NOS2: variants seen among roughly 807,000 people sequenced by gnomAD.
NOS2 encodes nitric oxide synthase, inducible.
In NOS2, 96 loss-of-function variants were observed where a neutral mutation model predicts 136.0. The observed-to-expected ratio is 0.71, with a 90% CI of 0.60 to 0.84. NOS2 has a LOEUF of 0.84. Ranked by LOEUF, NOS2 falls within the 40% of genes least tolerant of loss-of-function variation. The pLI, the probability that NOS2 is intolerant of heterozygous loss-of-function variation, is 0.00. For missense variants in NOS2, 1,237 were observed against 1,496.9 expected, an observed-to-expected ratio of 0.83 and a Z score of 2.87; for synonymous variants, 539 against 587.5, an observed-to-expected ratio of 0.92 and a Z score of 1.20.
chr17:27,778,156 G>T (rs111911041), intron 11 of NOS2, among the ~76,000 whole-genome samples: 456 of 152,260 alleles, frequency 3.0e-3, no homozygotes, highest in South Asian at 8.9e-3. Context: ...AGACAGGTTG[G>T]CAGTGGGGTG....
intron 22 of NOS2, among the ~76,000 whole-genome samples, chr17:27,762,226 A>G (rs28944194): frequency 2.0e-5 from 3 of 152,180 alleles, no homozygotes; most frequent in South Asian, 2.1e-4. Context: ...TTCTATGCCT[A>G]TCTCTCCACT....
chr17:27,776,887 CT>C (rs1908676602), intron 11 of NOS2, among the ~76,000 whole-genome samples: 1 of 152,152 alleles, frequency 6.6e-6, no homozygotes, highest in African/African-American at 2.4e-5. Flanking sequence ...AAGGGCCCAT[CT>C]TTTGAAGTTT....
At chr17:27,775,388 G>A (rs28450000) in intron 11 of NOS2, among the ~76,000 whole-genome samples, 1,874 of 152,068 alleles carry the variant, frequency 0.012, 32 homozygotes, top group African/African-American at 0.041. Flanking sequence ...ACCTGAGGTC[G>A]GGAGTTTGAG....
intron 2 of NOS2, among the ~76,000 whole-genome samples, chr17:27,792,493 C>T (rs1909221684): frequency 6.6e-6 from 1 of 152,200 alleles, no homozygotes; most frequent in Non-Finnish European, 1.5e-5. Flanking sequence ...TCCCCTCCCA[C>T]ACCATTTCTT....
rs28998805 is a variant in NOS2, at chr17:27,797,570, G to A, written c.110+1130C>T. ...GCCTCTGACAGATACACTCAGGGCC[G>A]TCATGCTGTACACATCCAGGGGGCG... is the stretch of plus-strand genomic sequence containing the variant. On this transcript the variant is annotated intron_variant, in intron 2 of 26. Transcript: ENST00000313735. Among the ~76,000 whole-genome samples, 73 of 152,356 alleles carry A rather than the reference G, an allele frequency of 4.8e-4. 1 individual carries two copies. Among genetic ancestry groups the A allele is most frequent in the African/African-American group, 1.7e-3 (69 of 41,590 alleles).
Position 27,772,391 on chromosome 17 carries a change from T to C in NOS2, c.1621A>G (p.Ile541Val). ...TTTCCTGTCTCTGTCGCAAAGAGGA[T>C]GGTGACTCTGACTCGGGACGCCATT... ...KTMASRVRVTILFATETGKSE... is the reference protein window; with the variant it reads ...KTMASRVRVTVLFATETGKSE... Residue 541 changes from isoleucine (I) to valine (V), a missense_variant, in exon 14 of 27, where the codon ATC becomes GTC. Around this residue, in one of 3 missense-constraint regions of NOS2, gnomAD observed 782 missense variants for 909.9 expected, o/e 0.86. Coordinates refer to ENST00000313735, the MANE Select transcript of NOS2 (RefSeq NM_000625.4). 1 of 1,614,106 alleles carries C rather than the reference T, an allele frequency of 6.2e-7. No homozygotes were observed. The highest frequency in any genetic ancestry group is 8.5e-7 in the Non-Finnish European group (1 of 1,180,028).
At chr17:27,769,619 A>G (rs1414224289) in intron 15 of NOS2, 35 bp from the exon 16 acceptor site, 1 of 1,570,998 alleles carries the variant, frequency 6.4e-7, no homozygotes, top group Non-Finnish European at 8.8e-7. Context: ...TTCTCAAGCC[A>G]GGATGAATAA....
chr17:27,781,298 T>C, intron 7 of NOS2, 121 bp from the exon 8 acceptor site: 1 of 1,142,598 alleles, frequency 8.8e-7, no homozygotes, highest in South Asian at 1.6e-5. Flanking sequence ...CCAAGCTGAC[T>C]GAGCCAGCCT....
intron 14 of NOS2, 69 bp from the exon 15 acceptor site, chr17:27,771,086 C>T: frequency 8.9e-7 from 1 of 1,119,000 alleles, no homozygotes; most frequent in Non-Finnish European, 1.3e-6. Context: ...GCGCAGACAC[C>T]CTGGGCTTCC....
intron 12 of NOS2, 109 bp from the exon 13 acceptor site, chr17:27,773,352 G>A: frequency 3.9e-6 from 3 of 769,110 alleles, no homozygotes; most frequent in Middle Eastern, 3.3e-4. Flanking sequence ...GCCTGGGAGA[G>A]AAGGCTGGCC....
chr17:27,766,693 G>A lies in NOS2; in HGVS notation c.2168-105C>T. On this transcript the variant is annotated intron_variant, in intron 18 of 26. Transcript: ENST00000313735. ...GTGACATCTGAACACCACCCTTGGGGCATCCTGCTGAGGTGGCCGTTGGGT... is the reference window on the plus strand; with the variant it reads ...GTGACATCTGAACACCACCCTTGGGACATCCTGCTGAGGTGGCCGTTGGGT... 3 of 839,182 alleles carry A rather than the reference G, an allele frequency of 3.6e-6. No homozygotes were observed. The South Asian group carries it at 4.1e-5, about 11-fold the overall frequency. The allele number at this position is 839,182 out of a possible 1,614,324, so 52.0% of individuals were successfully genotyped here. A position where few individuals can be genotyped will look rare whatever the true frequency, so the allele number is the denominator to read the frequency against.
chr17:27,793,812 G>T (rs1051667903), intron 2 of NOS2: 9 of 373,096 alleles, frequency 2.4e-5, no homozygotes, highest in African/African-American at 1.9e-4. Flanking sequence ...AGCGGCGGGG[G>T]CTCTTCACCC....
chr17:27,772,345 T>C lies in NOS2; in HGVS notation c.1667A>G (p.Asp556Gly). The C allele has an allele frequency of 6.2e-7, 1 of 1,614,074 alleles. No individual in the cohort carries two copies. The highest frequency in any genetic ancestry group is 8.5e-7 in the Non-Finnish European group (1 of 1,180,026). ...GGCACAGCTGAATAAGGCCCCCAGG[T>C]CCCAGGCCAGCGCCTCTGATTTTCC... ...ETGKSEALAWDLGALFSCAFN... is the reference protein window; with the variant it reads ...ETGKSEALAWGLGALFSCAFN... The change falls in exon 14 of 27, where the codon GAC becomes GGC. Residue 556 changes from aspartate to glycine, a missense_variant. Coordinates refer to ENST00000313735, the MANE Select transcript of NOS2 (RefSeq NM_000625.4).
At chr17:27,783,132 G>A (rs199578170) in intron 5 of NOS2, 26 bp from the exon 6 acceptor site, 1 of 1,612,546 alleles carries the variant, frequency 6.2e-7, no homozygotes, top group Non-Finnish European at 8.5e-7. Context: ...ACAGCAGGAA[G>A]ATCAACAATG....
chr17:27,774,844 G>C (rs561567665), intron 11 of NOS2, among the ~76,000 whole-genome samples: 1 of 152,330 alleles, frequency 6.6e-6, no homozygotes, highest in South Asian at 2.1e-4. Flanking sequence ...ATTTATGGTG[G>C]AGAGTTCTAA....
intron 5 of NOS2, among the ~76,000 whole-genome samples, chr17:27,785,033 G>A (rs1384054124): frequency 2.6e-5 from 4 of 152,020 alleles, no homozygotes; most frequent in Admixed American, 1.3e-4. Flanking sequence ...GGCCTCCCAC[G>A]TCCAGAATAG....
At chr17:27,784,288 G>T (rs1467849792) in intron 5 of NOS2, among the ~76,000 whole-genome samples, 2 of 152,140 alleles carry the variant, frequency 1.3e-5, no homozygotes, top group Admixed American at 1.3e-4. Context: ...GAACAAAATG[G>T]CCTTTCTGTG....
intron 2 of NOS2, among the ~76,000 whole-genome samples, chr17:27,796,622 A>G (rs1909364277): frequency 6.6e-6 from 1 of 152,072 alleles, no homozygotes; most frequent in East Asian, 1.9e-4. Context: ...CTCGCTCAGA[A>G]CTCTGTGGAA....
intron 25 of NOS2, 113 bp from the exon 26 acceptor site, chr17:27,759,188 A>G: frequency 4.3e-6 from 3 of 693,352 alleles, no homozygotes; most frequent in Non-Finnish European, 7.0e-6. Flanking sequence ...GTGAGGAGTG[A>G]GTCCCCTTCC....
Sources: allele counts gnomAD v4.1 joint callset (sites outside exome capture counted in the v4.1 genomes callset), GRCh38; gene constraint gnomAD v4.1.1; regional missense constraint gnomAD v4.1.1; transcripts MANE v1.5; gene names NCBI Gene and HGNC (gene_info 2026-07-23, HGNC 2026-07-21).